ENOX1: variants seen among roughly 807,000 people sequenced by gnomAD.
ENOX1 encodes the protein ecto-NOX disulfide-thiol exchanger 1, also known as candidate growth-related and time keeping constitutive hydroquinone (NADH) oxidase.
ENOX1 carries 42 observed loss-of-function variants against 82.5 expected under a neutral mutation model. The ratio of observed to expected loss-of-function variants is 0.51; its 90% CI spans 0.40 to 0.66. ENOX1 has a LOEUF of 0.66. Among genes scored for constraint, ENOX1 ranks in the 30% least tolerant of loss-of-function variants. ENOX1 has a pLI of 0.00. For missense variants in ENOX1, 608 were observed against 811.6 expected (o/e 0.75, Z 3.05); for synonymous variants, 271 against 282.2 (o/e 0.96, Z 0.40).
chr13:43,364,260 T>C (rs907394467), intron 5 of ENOX1, among the ~76,000 whole-genome samples: 2 of 152,180 alleles, frequency 1.3e-5, no homozygotes, highest in Admixed American at 1.3e-4. Flanking sequence ...ATCAGTTCCA[T>C]GCCCTGTTAG....
chr13:43,752,526 T>G (rs761662465), intron 1 of ENOX1, among the ~76,000 whole-genome samples: 2 of 152,240 alleles, frequency 1.3e-5, no homozygotes, highest in Admixed American at 6.5e-5. Context: ...GTTACATATA[T>G]GTCCATGTGG....
chr13:43,700,067 TG>T (rs2086832737), intron 1 of ENOX1, among the ~76,000 whole-genome samples: 1 of 152,192 alleles, frequency 6.6e-6, no homozygotes, highest in Non-Finnish European at 1.5e-5. Flanking sequence ...TTTTTGTACC[TG>T]TTAACAATTG....
Position 43,412,956 on chromosome 13 carries a change from T to G in ENOX1, c.-42A>C. On this transcript the variant is annotated 5_prime_UTR_variant, in exon 4 of 17. Transcript: ENST00000690772. Reference sequence around the variant, plus strand: ...AGAGGGGCAGGAACACTTTGATGGCTGAGTGCAGGGTCCCCTCGGAGGTCA... The same window carrying G: ...AGAGGGGCAGGAACACTTTGATGGCGGAGTGCAGGGTCCCCTCGGAGGTCA... The G allele has an allele frequency of 6.2e-7, 1 of 1,612,582 alleles. No homozygotes were observed. Among genetic ancestry groups the G allele is most frequent in the Non-Finnish European group, 8.5e-7 (1 of 1,179,618 alleles).
intron 11 of ENOX1, among the ~76,000 whole-genome samples, chr13:43,307,275 G>A (rs1228850186): frequency 6.6e-6 from 1 of 152,184 alleles, no homozygotes; most frequent in African/African-American, 2.4e-5. Flanking sequence ...AACCAAGGTG[G>A]GAGGACCCAG....
chr13:43,569,374 G>C (rs1027677349), intron 2 of ENOX1, among the ~76,000 whole-genome samples: 1 of 152,172 alleles, frequency 6.6e-6, no homozygotes, highest in Admixed American at 6.5e-5. Flanking sequence ...AGTAGAGATA[G>C]ATAGATAGAA....
chr13:43,615,100 T>C (rs942430923), intron 2 of ENOX1, among the ~76,000 whole-genome samples: 2 of 152,158 alleles, frequency 1.3e-5, no homozygotes, highest in African/African-American at 4.8e-5. Context: ...ATAACATTCA[T>C]TAAATACTGA....
intron 1 of ENOX1, among the ~76,000 whole-genome samples, chr13:43,780,085 C>T (rs541404437): frequency 7.3e-5 from 11 of 151,138 alleles, no homozygotes; most frequent in African/African-American, 2.7e-4. Flanking sequence ...GGCGTGAACC[C>T]GGGAGGCAGA....
chr13:43,490,272 T>C (rs2076575718), intron 2 of ENOX1, among the ~76,000 whole-genome samples: 1 of 152,168 alleles, frequency 6.6e-6, no homozygotes, highest in African/African-American at 2.4e-5. Context: ...TAGAAGCGCA[T>C]AACTTGTTTA....
chr13:43,254,217 T>C (rs1426708635), intron 14 of ENOX1, among the ~76,000 whole-genome samples: 1 of 152,216 alleles, frequency 6.6e-6, no homozygotes, highest in Non-Finnish European at 1.5e-5. Flanking sequence ...GAGCATAGGC[T>C]CTAGAATCCC....
chr13:43,640,019 ACT>A (rs1196361046), intron 2 of ENOX1, among the ~76,000 whole-genome samples: 2 of 152,086 alleles, frequency 1.3e-5, no homozygotes, highest in African/African-American at 4.8e-5. Context: ...ACAGAGCAAG[ACT>A]CTGTCTCAAA....
In ENOX1 at chr13:43,302,264, G is replaced by A. The variant is rs181155976; in HGVS notation, c.1262-3734C>T. Among the ~76,000 whole-genome samples, 92 of 152,066 alleles carry A rather than the reference G, an allele frequency of 6.0e-4. 1 individual carries two copies. The highest frequency in any genetic ancestry group is 7.7e-4 in the East Asian group (4 of 5,178). On this transcript the variant is annotated intron_variant, in intron 11 of 16. Coordinates refer to ENST00000690772, the MANE Select transcript of ENOX1 (RefSeq NM_001347969.2). ...GAATTAGACACCTTAAATGTCAACC[G>A]GACTGAATGTGATTAAATATTTTGT... is the stretch of plus-strand genomic sequence containing the variant.
intron 1 of ENOX1, among the ~76,000 whole-genome samples, chr13:43,700,181 T>G (rs1287361801): frequency 6.6e-6 from 1 of 152,168 alleles, no homozygotes; most frequent in Non-Finnish European, 1.5e-5. Flanking sequence ...ATTGGGTTTT[T>G]AAACCAAGAA....
At chr13:43,415,255 T>C (rs1176397920) in intron 3 of ENOX1, among the ~76,000 whole-genome samples, 1 of 144,306 alleles carries the variant, frequency 6.9e-6, no homozygotes, top group Non-Finnish European at 1.5e-5. Context: ...TTTTTTTTTT[T>C]TTTTAGTATT....
chr13:43,753,577 C>A, intron 1 of ENOX1, among the ~76,000 whole-genome samples: 1 of 152,006 alleles, frequency 6.6e-6, no homozygotes, highest in Non-Finnish European at 1.5e-5. Flanking sequence ...CCTAAGGGGA[C>A]AAAAGAAGTT....
chr13:43,673,024 CTT>C (rs1215544409), intron 1 of ENOX1, among the ~76,000 whole-genome samples: 6 of 152,104 alleles, frequency 3.9e-5, no homozygotes, highest in African/African-American at 1.4e-4. Flanking sequence ...TAGATCAATT[CTT>C]TGTTTAGTTT....
intron 9 of ENOX1, 87 bp from the exon 10 acceptor site, chr13:43,326,612 G>A: frequency 9.8e-7 from 1 of 1,019,778 alleles, no homozygotes; most frequent in Non-Finnish European, 1.6e-6. Flanking sequence ...AGGAGTCTAT[G>A]GATGATGTCA....
chr13:43,335,374 C>T (rs1399139430), intron 9 of ENOX1, among the ~76,000 whole-genome samples: 3 of 152,212 alleles, frequency 2.0e-5, no homozygotes, highest in South Asian at 4.1e-4. Context: ...TGACACCTTA[C>T]TTTTCCTCAA....
At chr13:43,756,479 A>C (rs1309257332) in intron 1 of ENOX1, among the ~76,000 whole-genome samples, 1 of 48,784 alleles carries the variant, frequency 2.0e-5, no homozygotes, top group Non-Finnish European at 3.8e-5. Context: ...AGGGGAGGGG[A>C]GGGGAAGGGG....
At chr13:43,461,586 C>T (rs1253091199) in intron 3 of ENOX1, among the ~76,000 whole-genome samples, 4 of 152,106 alleles carry the variant, frequency 2.6e-5, no homozygotes, top group South Asian at 2.1e-4. Flanking sequence ...ATGACCCCAC[C>T]GCCAACCAAG....
Sources: allele counts gnomAD v4.1 joint callset (sites outside exome capture counted in the v4.1 genomes callset), GRCh38; gene constraint gnomAD v4.1.1; transcripts MANE v1.5; gene names NCBI Gene and HGNC (gene_info 2026-07-23, HGNC 2026-07-21).